GFOD1: variants seen among roughly 807,000 people sequenced by gnomAD.
GFOD1 encodes the protein glucose-fructose oxidoreductase domain-containing protein 1.
In GFOD1, 9 loss-of-function variants were observed where a neutral mutation model predicts 25.4. The ratio of observed to expected loss-of-function variants is 0.35; its 90% CI spans 0.21 to 0.62. The LOEUF (loss-of-function observed/expected upper bound fraction) is 0.62, where lower values mean the gene tolerates loss of function less well. Ranked by LOEUF, GFOD1 falls within the 20% of genes least tolerant of loss-of-function variation. The probability of loss-of-function intolerance (pLI) is 0.72; values close to 1 mark genes in which losing one functional copy is unlikely to be tolerated. For missense variants in GFOD1, 403 were observed against 556.9 expected (o/e 0.72, Z 2.78); for synonymous variants, 253 against 245.6 (o/e 1.03, Z -0.28).
At chr6:13,446,626 C>A (rs1319790877) in intron 1 of GFOD1, among the ~76,000 whole-genome samples, 1 of 152,202 alleles carries the variant, frequency 6.6e-6, no homozygotes, top group East Asian at 1.9e-4. Flanking sequence ...ACACCCCTGA[C>A]ACTGGCAGCG....
chr6:13,486,813 G>A lies in GFOD1; in HGVS notation c.78C>T (p.Phe26=), dbSNP rs1758882852. 2 of 1,614,042 alleles carry A rather than the reference G, an allele frequency of 1.2e-6. No individual in the cohort carries two copies. Among genetic ancestry groups the A allele is most frequent in the East Asian group, 2.2e-5 (1 of 44,888 alleles). Residue 26 remains phenylalanine, a synonymous_variant, in exon 1 of 2, where the codon TTC becomes TTT. Coordinates refer to ENST00000379287, the MANE Select transcript of GFOD1 (RefSeq NM_018988.4). ...TGCGGCCCCACAGCGCCTTCACCGC[G>A]AAGCCCTCGTCTTTCAGCAGCGGGA... ...VIIPLLKDEG[F]AVKALWGRTQ...
At chr6:13,425,860 C>G (rs190316413) in intron 1 of GFOD1, among the ~76,000 whole-genome samples, 8 of 145,498 alleles carry the variant, frequency 5.5e-5, no homozygotes, top group Admixed American at 5.4e-4. Context: ...CTAATGATAG[C>G]TGATAAGCTA....
At chr6:13,382,058 A>C (rs2496173) in intron 1 of GFOD1, among the ~76,000 whole-genome samples, 75,230 of 151,862 alleles carry the variant, frequency 0.5, 19,872 homozygotes, top group East Asian at 0.68. Flanking sequence ...TTGTCCTTCC[A>C]ATTTCACACA....
rs559549125 is a variant in GFOD1, at chr6:13,426,546, C to T, written c.253+60092G>A. Among the ~76,000 whole-genome samples the T allele has an allele frequency of 1.2e-4, 18 of 152,296 alleles. No homozygotes were observed. The South Asian group carries it at 3.7e-3, about 32-fold the overall frequency. ...AGGATCCCACTTCCATTGCCTGTCC[C>T]TTAAACGCCCGGGAAGCGGCCTCTA... On this transcript the variant is annotated intron_variant, in intron 1 of 1. Transcript: ENST00000379287.
intron 1 of GFOD1, among the ~76,000 whole-genome samples, chr6:13,396,091 C>A (rs1422024256): frequency 6.6e-6 from 1 of 152,172 alleles, no homozygotes; most frequent in Non-Finnish European, 1.5e-5. Flanking sequence ...TTTTAGTAAC[C>A]ATGTAATCAC....
chr6:13,466,270 T>A lies in GFOD1; in HGVS notation c.253+20368A>T, dbSNP rs546109576. On this transcript the variant is annotated intron_variant, in intron 1 of 1. Transcript: ENST00000379287. ...TGGAGTTTTGATCTGAGTTAGAAGA[T>A]AATAGACAGAAAAGATGAGAGAAGT... Among the ~76,000 whole-genome samples the A allele has an allele frequency of 2.6e-5, 4 of 152,334 alleles. No individual in the cohort carries two copies. The East Asian group carries it at 7.7e-4, about 29-fold the overall frequency.
chr6:13,402,723 C>T (rs549498774), intron 1 of GFOD1, among the ~76,000 whole-genome samples: 1 of 152,192 alleles, frequency 6.6e-6, no homozygotes, highest in East Asian at 1.9e-4. Context: ...TCAAACATTG[C>T]TCGTAAGAAT....
At chr6:13,458,698 T>C (rs912263601) in intron 1 of GFOD1, among the ~76,000 whole-genome samples, 1 of 143,936 alleles carries the variant, frequency 6.9e-6, no homozygotes, top group African/African-American at 2.5e-5. Context: ...ATGAAAGTGC[T>C]TTGTGCAGGT....
intron 1 of GFOD1, among the ~76,000 whole-genome samples, chr6:13,434,785 T>G (rs1277042976): frequency 6.6e-6 from 1 of 152,148 alleles, no homozygotes; most frequent in Admixed American, 6.5e-5. Context: ...GCATAGTAGG[T>G]TCTCAGAAGA....
chr6:13,487,242 G>T lies in GFOD1; in HGVS notation c.-352C>A, dbSNP rs891846206. On this transcript the variant is annotated 5_prime_UTR_variant, in exon 1 of 2. Coordinates refer to ENST00000379287, the MANE Select transcript of GFOD1 (RefSeq NM_018988.4). The surrounding 1 kb of genome is among the most constrained non-coding windows in gnomAD (Gnocchi z 4.9). ...AGCGCCAGTCCGCTGCGTGCGCCCCGCCAAGGCCGCTCCATGGCCGGCTCA... is the reference window on the plus strand; with the variant it reads ...AGCGCCAGTCCGCTGCGTGCGCCCCTCCAAGGCCGCTCCATGGCCGGCTCA... The T allele has an allele frequency of 8.3e-6, 2 of 240,026 alleles. No individual in the cohort carries two copies. The highest frequency in any genetic ancestry group is 2.3e-5 in the African/African-American group (1 of 44,158). The allele number at this position is 240,026 out of a possible 1,614,324, so 14.9% of individuals were successfully genotyped here. A position where few individuals can be genotyped will look rare whatever the true frequency, so the allele number is the denominator to read the frequency against.
chr6:13,481,681 G>C (rs1758755562), intron 1 of GFOD1, among the ~76,000 whole-genome samples: 1 of 152,266 alleles, frequency 6.6e-6, no homozygotes, highest in Non-Finnish European at 1.5e-5. Context: ...CTGGCTTGGG[G>C]ACACAAAGGT....
intron 1 of GFOD1, among the ~76,000 whole-genome samples, chr6:13,478,818 A>G (rs994175327): frequency 2.0e-5 from 3 of 152,188 alleles, no homozygotes; most frequent in African/African-American, 7.2e-5. Context: ...AGAGAAGCAG[A>G]ATAAAATTCA....
chr6:13,484,175 G>A (rs1018875997), intron 1 of GFOD1, among the ~76,000 whole-genome samples: 1 of 152,114 alleles, frequency 6.6e-6, no homozygotes, highest in Non-Finnish European at 1.5e-5. Flanking sequence ...AGGGTCCCTA[G>A]CCCCTTACTT....
rs1265277462 is a variant in GFOD1 at position 13,430,626 on chromosome 6, G to A, written c.253+56012C>T. ...TAGAGACGGGCAGCTTGTGTACAATGGGGAAGACTTAATGAAAGAAGCTCT... is the reference window on the plus strand; with the variant it reads ...TAGAGACGGGCAGCTTGTGTACAATAGGGAAGACTTAATGAAAGAAGCTCT... On this transcript the variant is annotated intron_variant, in intron 1 of 1. Transcript: ENST00000379287. The surrounding 1 kb of genome is among the most constrained non-coding windows in gnomAD (Gnocchi z 4.1). 6.6e-6 allele frequency among the ~76,000 whole-genome samples: 1 copy of A among 152,104 alleles called. No individual in the cohort carries two copies. Among genetic ancestry groups the A allele is most frequent in the Non-Finnish European group, 1.5e-5 (1 of 68,036 alleles).
Position 13,362,821 on chromosome 6 carries a change from G to A in GFOD1, c.*1922C>T, listed in dbSNP as rs1425061466. 6.6e-6 allele frequency: 1 copy of A among 152,208 alleles called. No individual in the cohort carries two copies. The highest frequency in any genetic ancestry group is 1.5e-5 in the Non-Finnish European group (1 of 68,040). 9.4% of individuals were successfully genotyped at this position (152,208 alleles called of 1,614,324 possible). A position where few individuals can be genotyped will look rare whatever the true frequency, so the allele number is the denominator to read the frequency against. On this transcript the variant is annotated 3_prime_UTR_variant, in exon 2 of 2. Coordinates refer to ENST00000379287, the MANE Select transcript of GFOD1 (RefSeq NM_018988.4). ...AGTAGCCTGGGCTTCAAAGAATATT[G>A]ACCCTAGGGAGGACAATGAAGGATG...
Position 13,360,670 on chromosome 6 carries a change from G to T in GFOD1, c.*4073C>A, listed in dbSNP as rs1276023486. 2.2e-6 allele frequency: 1 copy of T among 453,954 alleles called. No individual in the cohort carries two copies. The highest frequency in any genetic ancestry group is 1.5e-5 in the South Asian group (1 of 64,526). 28.1% of individuals were successfully genotyped at this position (453,954 alleles called of 1,614,324 possible). A position where few individuals can be genotyped will look rare whatever the true frequency, so the allele number is the denominator to read the frequency against. On this transcript the variant is annotated 3_prime_UTR_variant, in exon 2 of 2. Transcript: ENST00000379287. The stretch of plus-strand genomic sequence containing the variant: ...CCATTTTGGAATGGGAAGAAACACT[G>T]GCTACTTCTATGTGCAGCTCTACAG...
intron 1 of GFOD1, among the ~76,000 whole-genome samples, chr6:13,416,573 T>C (rs1280225905): frequency 2.0e-5 from 3 of 152,140 alleles, no homozygotes; most frequent in African/African-American, 7.2e-5. Context: ...TGCTGTGCCA[T>C]CACAAAAGGG....
chr6:13,470,685 C>T, intron 1 of GFOD1: 1 of 1,440,192 alleles, frequency 6.9e-7, no homozygotes, highest in African/African-American at 1.4e-5. Flanking sequence ...TTTCTACCAC[C>T]CACTTTTGAT....
At chr6:13,469,000 C>A (rs1758427949) in intron 1 of GFOD1, among the ~76,000 whole-genome samples, 1 of 152,240 alleles carries the variant, frequency 6.6e-6, no homozygotes, top group Non-Finnish European at 1.5e-5. Flanking sequence ...GAATCCAGGT[C>A]ATTCGTGGAA....
Sources: allele counts gnomAD v4.1 joint callset (sites outside exome capture counted in the v4.1 genomes callset), GRCh38; gene constraint gnomAD v4.1.1; non-coding constraint Gnocchi (gnomAD v3.1); transcripts MANE v1.5; gene names NCBI Gene and HGNC (gene_info 2026-07-23, HGNC 2026-07-21).